The following DNA2 variants were observed in gnomAD, a reference collection of about 807,000 sequenced individuals.
DNA2 encodes DNA replication ATP-dependent helicase/nuclease DNA2.
Under a neutral mutation model 119.1 loss-of-function variants are expected in DNA2, and 101 were observed. The ratio of observed to expected loss-of-function variants is 0.85; its 90% confidence interval spans 0.72 to 1.00. The LOEUF (loss-of-function observed/expected upper bound fraction) is 1.00. Among genes scored for constraint, DNA2 ranks in the 50% least tolerant of loss-of-function variants. The pLI is 0.00. For missense variants in DNA2, 1,121 were observed against 1,255.5 expected (o/e 0.89, Z 1.62); for synonymous variants, 366 against 424.4 (o/e 0.86, Z 1.69).
intron 9 of DNA2, among the ~76,000 whole-genome samples, chr10:68,441,376 G>T (rs1316979913): frequency 1.3e-5 from 2 of 151,028 alleles, no homozygotes; most frequent in Non-Finnish European, 2.9e-5. Context: ...AACTTTACAG[G>T]TACATATTAC....
At chr10:68,415,165 C>A in intron 20 of DNA2, 58 bp from the exon 21 acceptor site, 7 of 1,047,130 alleles carry the variant, frequency 6.7e-6, no homozygotes, top group South Asian at 3.2e-5. Flanking sequence ...AAATTTATGA[C>A]ATTATTATTT....
At chr10:68,415,255 A>G (rs545412018) in intron 20 of DNA2, 148 bp from the exon 21 acceptor site, 8 of 566,094 alleles carry the variant, frequency 1.4e-5, no homozygotes, top group Non-Finnish European at 2.5e-5. Flanking sequence ...TTATGCCTTT[A>G]AGCAACAGGA....
chr10:68,428,347 G>A (rs931266237), intron 14 of DNA2, among the ~76,000 whole-genome samples: 5 of 151,808 alleles, frequency 3.3e-5, no homozygotes, highest in Non-Finnish European at 5.9e-5. Context: ...AAATTGTATC[G>A]CCACCAAATG....
Position 68,448,554 on chromosome 10 carries a change from CT to C in DNA2, c.939+1473del, listed in dbSNP as rs575473206. 9.2e-5 allele frequency among the ~76,000 whole-genome samples: 14 copies of C among 152,228 alleles called. No individual in the cohort carries two copies. In the East Asian group the frequency reaches 9.6e-4, roughly 10 times the overall value. On this transcript the variant is annotated intron_variant, in intron 6 of 20. Coordinates refer to ENST00000358410, the MANE Select transcript of DNA2 (RefSeq NM_001080449.3). Reference sequence around the variant, plus strand: ...GCATAATATGCAATATAAATTCCAACTTTTTTTAAGCCTTGTTCTAGCAAAT... The same window carrying C: ...GCATAATATGCAATATAAATTCCAACTTTTTTAAGCCTTGTTCTAGCAAAT...
At chr10:68,424,615 T>C in intron 14 of DNA2, 1 of 1,475,684 alleles carries the variant, frequency 6.8e-7, no homozygotes, top group Non-Finnish European at 9.5e-7. Context: ...AAACGTCACT[T>C]CCATGCCCCC....
In DNA2 at chr10:68,419,615, A is replaced by C. The variant is rs530452246; in HGVS notation, c.2787+188T>G. 1.7e-4 allele frequency among the ~76,000 whole-genome samples: 26 copies of C among 152,358 alleles called. No homozygotes were observed. In the Middle Eastern group the frequency reaches 0.01, roughly 60 times the overall value. ...TTACAAAAAGTTATTATCGTAAATG[A>C]AAACTCCAAATGTCATTATAAAATA... is the stretch of plus-strand genomic sequence containing the variant. On this transcript the variant is annotated intron_variant, in intron 18 of 20. Coordinates refer to ENST00000358410, the MANE Select transcript of DNA2 (RefSeq NM_001080449.3).
In DNA2 at chr10:68,414,773, C is replaced by A; in HGVS notation, c.*266G>T. 1 of 338,024 alleles carries A rather than the reference C, an allele frequency of 3.0e-6. No homozygotes were observed. Among genetic ancestry groups the A allele is most frequent in the Non-Finnish European group, 5.5e-6 (1 of 181,644 alleles). 20.9% of individuals were successfully genotyped at this position (338,024 alleles called of 1,614,324 possible). A position where few individuals can be genotyped will look rare whatever the true frequency, so the allele number is the denominator to read the frequency against. ...TGATATCTACAAAATCAAATTAGTC[C>A]TGAAATGTCTGACTTAAAAGTTTAA... On this transcript the variant is annotated 3_prime_UTR_variant, in exon 21 of 21. Transcript: ENST00000358410.
rs557236948 is a variant in DNA2, at chr10:68,457,338, C to T, written c.719+1766G>A. 3.3e-5 allele frequency among the ~76,000 whole-genome samples: 5 copies of T among 152,238 alleles called. No homozygotes were observed. In the East Asian group the frequency reaches 5.8e-4, roughly 18 times the overall value. On this transcript the variant is annotated intron_variant, in intron 5 of 20. Coordinates refer to ENST00000358410, the MANE Select transcript of DNA2 (RefSeq NM_001080449.3). ...TATGTGTCAGCCACAGGGCTTTTGC[C>T]GTTTCCCCTACCTAGAACATTCCTC...
intron 19 of DNA2, 60 bp downstream of exon 19, chr10:68,418,974 A>G: frequency 6.7e-7 from 1 of 1,500,806 alleles, no homozygotes; most frequent in Non-Finnish European, 8.9e-7. Flanking sequence ...CGCCCGGCCC[A>G]CAATTTTTAA....
Position 68,432,788 on chromosome 10 carries a change from G to A in DNA2, c.1647-278C>T, listed in dbSNP as rs535562586. ...TTCATTTACCCTTGCAGTCGAACAC[G>A]GGTTCACCATCCCCAGAGGGATCCT... On this transcript the variant is annotated intron_variant, in intron 10 of 20. Transcript: ENST00000358410. Among the ~76,000 whole-genome samples, 36 of 152,226 alleles carry A rather than the reference G, an allele frequency of 2.4e-4. No individual in the cohort carries two copies. The South Asian group carries it at 6.0e-3, about 25-fold the overall frequency.
chr10:68,465,043 G>A (rs1193453443), intron 4 of DNA2, among the ~76,000 whole-genome samples: 1 of 146,462 alleles, frequency 6.8e-6, no homozygotes, highest in Middle Eastern at 3.2e-3. Flanking sequence ...TTTTGAGATG[G>A]AGTCTTGCTT....
chr10:68,446,368 C>CTT lies in DNA2; in HGVS notation c.984_985insAA (p.Glu329LysfsTer22). ...TTGAGGTAGAGAAGCAAGCCAGCCTCTGGATCAGCTCTTCTCTCTTGGCTT... is the reference window on the plus strand; with the variant it reads ...TTGAGGTAGAGAAGCAAGCCAGCCTCTTTGGATCAGCTCTTCTCTCTTGGCTT... On this transcript the variant is annotated frameshift_variant, in exon 7 of 21. Coordinates refer to ENST00000358410, the MANE Select transcript of DNA2 (RefSeq NM_001080449.3). LOFTEE classifies it high-confidence loss of function. 1.9e-6 allele frequency: 3 copies of CTT among 1,598,288 alleles called. No individual in the cohort carries two copies. Among genetic ancestry groups the CTT allele is most frequent in the Non-Finnish European group, 2.6e-6 (3 of 1,172,124 alleles).
At chr10:68,445,120 A>C in intron 7 of DNA2, 37 bp from the exon 8 acceptor site, 1 of 1,540,134 alleles carries the variant, frequency 6.5e-7, no homozygotes, top group Non-Finnish European at 8.8e-7. Flanking sequence ...TTAAGAGTTA[A>C]ATAAAGTTTA....
At chr10:68,424,503 CAAAAAAA>C in intron 14 of DNA2, 2 of 474,190 alleles carry the variant, frequency 4.2e-6, no homozygotes, top group South Asian at 1.9e-5. Context: ...GTCACTGTCT[CAAAAAAA>C]AAAAAAAAAA....
intron 9 of DNA2, among the ~76,000 whole-genome samples, chr10:68,439,604 G>A (rs149067394): frequency 0.016 from 2,408 of 151,944 alleles, 59 homozygotes; most frequent in African/African-American, 0.055. Context: ...TTGGGAGGCC[G>A]AAGCGTGTGG....
chr10:68,433,420 A>T (rs1188538785), intron 10 of DNA2, among the ~76,000 whole-genome samples: 1 of 152,086 alleles, frequency 6.6e-6, no homozygotes, highest in Non-Finnish European at 1.5e-5. Flanking sequence ...CCATTAATGA[A>T]CTCAATTCTC....
chr10:68,458,259 T>C (rs1209267449), intron 5 of DNA2, among the ~76,000 whole-genome samples: 1 of 151,682 alleles, frequency 6.6e-6, no homozygotes, highest in Non-Finnish European at 1.5e-5. Flanking sequence ...AGACCAGGCA[T>C]AGTTGCTCAC....
chr10:68,446,304 T>C lies in DNA2; in HGVS notation c.1049A>G (p.Asp350Gly), dbSNP rs1273531562. 6.4e-7 allele frequency: 1 copy of C among 1,574,074 alleles called. No homozygotes were observed. The highest frequency in any genetic ancestry group is 8.6e-7 in the Non-Finnish European group (1 of 1,159,468). Residue 350 changes from aspartate (D) to glycine (G), a missense_variant, in exon 7 of 21, where the codon GAT becomes GGT. Transcript: ENST00000358410. Reference protein sequence around the residue: ...QMYPVPANHLDKRELLKLRNQ... With the variant: ...QMYPVPANHLGKRELLKLRNQ... ...AAAAAAAACGGCTCAACCTCTTTTA[T>C]CTAGATGGTTGGCAGGCACAGGGTA...
At position 68,416,676 on chromosome 10, in the gene DNA2, C is replaced by G. The variant is rs1182954456; in HGVS notation, c.3114+33G>C. On this transcript the variant is annotated intron_variant, in intron 20 of 20. Coordinates refer to ENST00000358410, the MANE Select transcript of DNA2 (RefSeq NM_001080449.3). ...AAATAAATACTCACAACAGTGCAAT[C>G]AAATGTGACCATATACAGAAGAAAA... The G allele has an allele frequency of 1.9e-6, 3 of 1,587,852 alleles. No individual in the cohort carries two copies. The South Asian group carries it at 3.3e-5, about 18-fold the overall frequency.
Sources: allele counts gnomAD v4.1 joint callset (sites outside exome capture counted in the v4.1 genomes callset), GRCh38; gene constraint gnomAD v4.1.1; transcripts MANE v1.5; gene names NCBI Gene and HGNC (gene_info 2026-07-23, HGNC 2026-07-21).